The following BORCS8 variants were observed in gnomAD, a reference collection of about 807,000 sequenced individuals.
BORCS8 encodes BLOC-1-related complex subunit 8.
In BORCS8, 13 loss-of-function variants were observed where a neutral mutation model predicts 18.7. The ratio of observed to expected loss-of-function variants is 0.70; its 90% CI spans 0.45 to 1.11. The LOEUF is 1.11. BORCS8 is among the 50% of genes least tolerant of loss of function. The pLI is 0.00. For missense variants in BORCS8, 165 were observed against 165.7 expected (o/e 1.00, Z 0.02); for synonymous variants, 68 against 64.8 (o/e 1.05, Z -0.24).
chr19:19,191,616 C>T (rs1223946800), intron 1 of BORCS8, among the ~76,000 whole-genome samples: 1 of 152,032 alleles, frequency 6.6e-6, no homozygotes, highest in African/African-American at 2.4e-5. Flanking sequence ...ACTTGTCACC[C>T]AGGCTGGGGG....
chr19:19,180,843 G>A (rs570201869), intron 4 of BORCS8, 82 bp from the exon 5 acceptor site: 4 of 1,387,592 alleles, frequency 2.9e-6, no homozygotes, highest in Non-Finnish European at 3.9e-6. Flanking sequence ...TGTATGTTTG[G>A]GTGATACTCT....
chr19:19,188,190 C>T (rs928183943), intron 1 of BORCS8, among the ~76,000 whole-genome samples: 26 of 151,816 alleles, frequency 1.7e-4, no homozygotes, highest in African/African-American at 5.1e-4. Flanking sequence ...CCACCACGCC[C>T]GGCTAACTTT....
intron 1 of BORCS8, among the ~76,000 whole-genome samples, chr19:19,189,660 TCACG>T (rs1438892453): frequency 2.6e-5 from 4 of 152,214 alleles, no homozygotes; most frequent in African/African-American, 7.2e-5. Context: ...GTGCGGTGGC[TCACG>T]CCTGTAATCC....
rs1481431646 is a variant in BORCS8, at chr19:19,183,549, T to C, written c.216-866A>G. 8.5e-5 allele frequency among the ~76,000 whole-genome samples: 13 copies of C among 152,194 alleles called. No individual in the cohort carries two copies. In the East Asian group the frequency reaches 2.5e-3, roughly 29 times the overall value. On this transcript the variant is annotated intron_variant, in intron 3 of 5. Coordinates refer to ENST00000462790, the MANE Select transcript of BORCS8 (RefSeq NM_001145784.2). ...AGATGGCTGAGAGGCACCTGGAATG[T>C]GGCTAGCGGGACTTGGGAGCTGAAT...
chr19:19,182,495 G>T lies in BORCS8; in HGVS notation c.326+78C>A. 1.3e-6 allele frequency: 2 copies of T among 1,499,372 alleles called. No homozygotes were observed. The highest frequency in any genetic ancestry group is 8.9e-7 in the Non-Finnish European group (1 of 1,124,422). The allele number at this position is 1,499,372 out of a possible 1,614,324, so 92.9% of individuals were successfully genotyped here. On this transcript the variant is annotated intron_variant, in intron 4 of 5. Transcript: ENST00000462790. This position sits in a 1 kb window ranked among gnomAD's most constrained non-coding sequence, Gnocchi z 4.1. ...GAGACAGTTTTCTAATAAGCGAGAAGCAGCGGTTCCCAGCGCAGCTGAGAG... is the reference window on the plus strand; with the variant it reads ...GAGACAGTTTTCTAATAAGCGAGAATCAGCGGTTCCCAGCGCAGCTGAGAG...
intron 1 of BORCS8, among the ~76,000 whole-genome samples, chr19:19,189,549 G>A (rs1023135919): frequency 1.3e-5 from 2 of 152,084 alleles, no homozygotes; most frequent in Non-Finnish European, 1.5e-5. Context: ...TCCACCCCTG[G>A]CTCTTCCTTG....
rs143280229 is a variant in BORCS8, at chr19:19,183,852, G to A, written c.216-1169C>T. On this transcript the variant is annotated intron_variant, in intron 3 of 5. Coordinates refer to ENST00000462790, the MANE Select transcript of BORCS8 (RefSeq NM_001145784.2). Reference sequence around the variant, plus strand: ...CCAAAAGTGCTGGGATTACAGGCGTGAGCCACTGCGCTCAGCCTCATTTTG... The same window carrying A: ...CCAAAAGTGCTGGGATTACAGGCGTAAGCCACTGCGCTCAGCCTCATTTTG... 2.0e-4 allele frequency among the ~76,000 whole-genome samples: 31 copies of A among 151,638 alleles called. No individual in the cohort carries two copies. The East Asian group carries it at 5.8e-3, about 28-fold the overall frequency.
chr19:19,188,904 G>T (rs1195061769), intron 1 of BORCS8, among the ~76,000 whole-genome samples: 1 of 151,546 alleles, frequency 6.6e-6, no homozygotes, highest in Non-Finnish European at 1.5e-5. Context: ...GTGTAATCTC[G>T]GCTCACTGCA....
chr19:19,182,731 C>G lies in BORCS8; in HGVS notation c.216-48G>C, dbSNP rs780732840. On this transcript the variant is annotated intron_variant, in intron 3 of 5. Coordinates refer to ENST00000462790, the MANE Select transcript of BORCS8 (RefSeq NM_001145784.2). The surrounding 1 kb of genome is among the most constrained non-coding windows in gnomAD (Gnocchi z 4.1). ...GTCAGCGCTCCGGACCTGCAGGTAA[C>G]TGTCCCACACCCCAGCACTTGAGGT... 3.2e-5 allele frequency: 49 copies of G among 1,519,812 alleles called. No homozygotes were observed. Among genetic ancestry groups the G allele is most frequent in the Non-Finnish European group, 4.2e-5 (48 of 1,131,156 alleles). The allele number at this position is 1,519,812 out of a possible 1,614,324, so 94.1% of individuals were successfully genotyped here. A position where few individuals can be genotyped will look rare whatever the true frequency, so the allele number is the denominator to read the frequency against.
At position 19,181,800 on chromosome 19, in the gene BORCS8, G is replaced by C. The variant is rs563662790; in HGVS notation, c.326+773C>G. ...TGCTTTCTTTCTTTTGCCCAGTGGG[G>C]GACAGGCCTGCCAGAACCCCAATCT... On this transcript the variant is annotated intron_variant, in intron 4 of 5. Transcript: ENST00000462790. 9.7e-5 allele frequency: 91 copies of C among 937,790 alleles called. 1 individual carries two copies. The East Asian group carries it at 4.1e-3, about 42-fold the overall frequency. The allele number at this position is 937,790 out of a possible 1,614,324, so 58.1% of individuals were successfully genotyped here.
intron 3 of BORCS8, among the ~76,000 whole-genome samples, chr19:19,184,832 T>C (rs2060390459): frequency 6.6e-6 from 1 of 152,192 alleles, no homozygotes; most frequent in Non-Finnish European, 1.5e-5. Context: ...ACTCCTGGGC[T>C]GAAGTGATCC....
rs541220041 is a variant in BORCS8 at position 19,186,016 on chromosome 19, G to A, written c.215+18C>T. 4 of 1,549,714 alleles carry A rather than the reference G, an allele frequency of 2.6e-6. No individual in the cohort carries two copies. The highest frequency in any genetic ancestry group is 3.5e-6 in the Non-Finnish European group (4 of 1,146,634). The stretch of plus-strand genomic sequence containing the variant: ...GCAGCAAAAGGTGGCCCTGCAGCGG[G>A]GAGGCTGTGGCGCTCACCTGCAGGC... On this transcript the variant is annotated intron_variant, in intron 3 of 5. Coordinates refer to ENST00000462790, the MANE Select transcript of BORCS8 (RefSeq NM_001145784.2).
At chr19:19,184,523 C>T (rs200598978) in intron 3 of BORCS8, among the ~76,000 whole-genome samples, 4 of 151,398 alleles carry the variant, frequency 2.6e-5, no homozygotes, top group East Asian at 2.0e-4. Flanking sequence ...AGGATGGTCT[C>T]GATCTCCTGA....
chr19:19,185,604 T>G (rs1289341259), intron 3 of BORCS8, among the ~76,000 whole-genome samples: 1 of 152,174 alleles, frequency 6.6e-6, no homozygotes, highest in African/African-American at 2.4e-5. Flanking sequence ...GAGAACTGCT[T>G]GGACTTGAGA....
chr19:19,180,999 AGCCT>A (rs1216690048), intron 4 of BORCS8, among the ~76,000 whole-genome samples: 1 of 152,100 alleles, frequency 6.6e-6, no homozygotes. Flanking sequence ...GTTCAAGACC[AGCCT>A]GGCCAACATG....
In BORCS8 at chr19:19,180,709, C is replaced by G. The variant is rs775830778; in HGVS notation, c.*19G>C. ...ACCTGGGTTGGCGGAGGCTGGGGGG[C>G]CCCGAGTCTCTTCCAGGATCAGGCT... On this transcript the variant is annotated 3_prime_UTR_variant, in exon 5 of 6. Transcript: ENST00000462790. 1.3e-6 allele frequency: 2 copies of G among 1,548,926 alleles called. No homozygotes were observed. The highest frequency in any genetic ancestry group is 2.4e-5 in the East Asian group (1 of 40,902).
At chr19:19,191,266 T>C (rs941661119) in intron 1 of BORCS8, among the ~76,000 whole-genome samples, 3 of 150,808 alleles carry the variant, frequency 2.0e-5, no homozygotes, top group Non-Finnish European at 4.4e-5. Flanking sequence ...GAGGTTGCAG[T>C]GAGCTGAGAT....
rs1568563985 is a variant in BORCS8 at position 19,180,734 on chromosome 19, TGAG to T, written c.351_353del (p.Ser118del). 4.5e-6 allele frequency: 7 copies of T among 1,550,528 alleles called. No individual in the cohort carries two copies. The highest frequency in any genetic ancestry group is 2.4e-5 in the South Asian group (2 of 83,942). On this transcript the variant is annotated inframe_deletion, in exon 5 of 6. Transcript: ENST00000462790. ...CCCCGAGTCTCTTCCAGGATCAGGC[TGAG>T]GAGGGCGGGGGTGGTTCCTCCGGGC...
intron 5 of BORCS8, 90 bp downstream of exon 5, chr19:19,180,596 T>C (rs2060338191): frequency 1.1e-6 from 1 of 898,184 alleles, no homozygotes; most frequent in African/African-American, 1.7e-5. Flanking sequence ...CCCAAGTGGT[T>C]AGACAAGCAG....
Sources: allele counts gnomAD v4.1 joint callset (sites outside exome capture counted in the v4.1 genomes callset), GRCh38; gene constraint gnomAD v4.1.1; non-coding constraint Gnocchi (gnomAD v3.1); transcripts MANE v1.5; gene names NCBI Gene and HGNC (gene_info 2026-07-23, HGNC 2026-07-21).